The following TCAIM variants were observed in gnomAD, a reference collection of about 807,000 sequenced individuals.
TCAIM encodes the protein T-cell activation inhibitor, mitochondrial.
TCAIM carries 36 observed loss-of-function variants against 58.6 expected under a neutral mutation model. That is an observed-to-expected ratio of 0.61 (90% CI 0.47 to 0.81). The LOEUF is 0.81. TCAIM is among the 30% of genes least tolerant of loss of function. The probability of loss-of-function intolerance (pLI) is 0.00; values close to 1 mark genes in which losing one functional copy is unlikely to be tolerated. For synonymous variants in TCAIM, 172 were observed against 193.6 expected, an observed-to-expected ratio of 0.89 and a Z score of 0.93; for missense variants, 466 against 579.6, an observed-to-expected ratio of 0.80 and a Z score of 2.01.
At position 44,407,353 on chromosome 3, in the gene TCAIM, A is replaced by G. The variant is rs959586146; in HGVS notation, c.1251-89A>G. ...GTGAGTGCACAGTTAGGGCCCCAAC[A>G]TGTAAGAATATATTTACATTGTGTG... On this transcript the variant is annotated intron_variant, in intron 10 of 10. Transcript: ENST00000342649. 7.1e-6 allele frequency: 8 copies of G among 1,124,802 alleles called. No homozygotes were observed. In the Admixed American group the frequency reaches 1.9e-4, roughly 26 times the overall value. The allele number at this position is 1,124,802 out of a possible 1,614,324, so 69.7% of individuals were successfully genotyped here.
intron 2 of TCAIM, among the ~76,000 whole-genome samples, chr3:44,357,432 G>T (rs966387748): frequency 6.6e-6 from 1 of 152,140 alleles, no homozygotes; most frequent in Non-Finnish European, 1.5e-5. Context: ...TTTTTGATCT[G>T]AATAAGAAAC....
intron 8 of TCAIM, among the ~76,000 whole-genome samples, chr3:44,399,537 C>T (rs1184446361): frequency 1.3e-5 from 2 of 152,142 alleles, no homozygotes; most frequent in African/African-American, 4.8e-5. Flanking sequence ...CCCCTACGTC[C>T]CCCTTCAGCC....
chr3:44,370,661 GT>G lies in TCAIM; in HGVS notation c.572+2959del, dbSNP rs563480638. The stretch of plus-strand genomic sequence containing the variant: ...AGTGGCATAGCATTACAGTAGATAG[GT>G]TTTTTGTTTTTTTTTTTTAGTTTTT... On this transcript the variant is annotated intron_variant, in intron 5 of 10. Coordinates refer to ENST00000342649, the MANE Select transcript of TCAIM (RefSeq NM_173826.4). 1.5e-4 allele frequency among the ~76,000 whole-genome samples: 22 copies of G among 149,312 alleles called. No homozygotes were observed. The East Asian group carries it at 4.3e-3, about 29-fold the overall frequency.
At chr3:44,391,611 CT>C (rs1170389571) in intron 5 of TCAIM, among the ~76,000 whole-genome samples, 3 of 152,090 alleles carry the variant, frequency 2.0e-5, no homozygotes, top group Non-Finnish European at 2.9e-5. Context: ...TGAGATGAAA[CT>C]GAAACTGGAC....
intron 8 of TCAIM, among the ~76,000 whole-genome samples, chr3:44,398,637 A>G (rs574032206): frequency 6.6e-6 from 1 of 152,344 alleles, no homozygotes; most frequent in African/African-American, 2.4e-5. Context: ...CTGGAAAAAG[A>G]TTATAATGGT....
intron 4 of TCAIM, among the ~76,000 whole-genome samples, chr3:44,364,217 G>A (rs140223035): frequency 1.3e-4 from 20 of 150,102 alleles, no homozygotes; most frequent in African/African-American, 4.2e-4. Context: ...ATGAGCCACC[G>A]CACCTGGCTG....
chr3:44,377,004 C>T (rs974441394), intron 5 of TCAIM, among the ~76,000 whole-genome samples: 12 of 152,154 alleles, frequency 7.9e-5, no homozygotes, highest in African/African-American at 2.2e-4. Flanking sequence ...GCAGGAGAAT[C>T]GCTTGAACCT....
At chr3:44,351,374 A>C (rs1701085449) in intron 1 of TCAIM, among the ~76,000 whole-genome samples, 1 of 151,818 alleles carries the variant, frequency 6.6e-6, no homozygotes, top group South Asian at 2.1e-4. Flanking sequence ...TTGTATCTCC[A>C]TTTGATCTCA....
rs1276751897 is a variant in TCAIM, at chr3:44,358,841, C to A, written c.165+965C>A. 1.0e-5 allele frequency: 10 copies of A among 985,042 alleles called. No individual in the cohort carries two copies. In the South Asian group the frequency reaches 3.8e-4, roughly 37 times the overall value. 61.0% of individuals were successfully genotyped at this position (985,042 alleles called of 1,614,324 possible). ...CTTGAAATCTTGAAAATTAGAACAT[C>A]GTTATTTTTTTCTACTTGCAATGGA... On this transcript the variant is annotated intron_variant, in intron 3 of 10. Transcript: ENST00000342649.
At chr3:44,381,375 C>CATCTAGAATGATCATGATGCATG (rs1701652588) in intron 5 of TCAIM, among the ~76,000 whole-genome samples, 1 of 152,038 alleles carries the variant, frequency 6.6e-6, no homozygotes. Flanking sequence ...TCATTTAAAT[C>CATCTAGAATGATCATGATGCATG]ATCTAGAATG....
chr3:44,397,262 A>G (rs1290725079), intron 8 of TCAIM, among the ~76,000 whole-genome samples: 1 of 152,210 alleles, frequency 6.6e-6, no homozygotes, highest in Non-Finnish European at 1.5e-5. Flanking sequence ...ACAACTGGGC[A>G]TATATGTGAG....
chr3:44,349,818 A>C (rs1450269664), intron 1 of TCAIM, among the ~76,000 whole-genome samples: 1 of 152,224 alleles, frequency 6.6e-6, no homozygotes, highest in East Asian at 1.9e-4. Context: ...CAAAATTGAA[A>C]GGAGAAAGAA....
At chr3:44,379,578 T>C (rs1243792462) in intron 5 of TCAIM, among the ~76,000 whole-genome samples, 1 of 152,176 alleles carries the variant, frequency 6.6e-6, no homozygotes, top group African/African-American at 2.4e-5. Context: ...TGCAGGAACA[T>C]GGATGGAGCT....
chr3:44,400,600 G>A lies in TCAIM; in HGVS notation c.1118+13G>A, dbSNP rs778168747. 17 of 1,595,824 alleles carry A rather than the reference G, an allele frequency of 1.1e-5. No individual in the cohort carries two copies. Among genetic ancestry groups the A allele is most frequent in the Non-Finnish European group, 1.4e-5 (16 of 1,164,696 alleles). ...TGATCCTTAACAGGTAAATATCTAA[G>A]ATAGAAGGATTACTTTTATTCCTTC... On this transcript the variant is annotated intron_variant, in intron 9 of 10. Coordinates refer to ENST00000342649, the MANE Select transcript of TCAIM (RefSeq NM_173826.4).
chr3:44,371,163 C>T (rs931987956), intron 5 of TCAIM, among the ~76,000 whole-genome samples: 2 of 151,858 alleles, frequency 1.3e-5, no homozygotes, highest in Admixed American at 6.6e-5. Flanking sequence ...CCGCCCACCT[C>T]GACCTCCCAA....
intron 1 of TCAIM, chr3:44,340,495 A>C (rs1700834650): frequency 6.6e-6 from 1 of 152,244 alleles, no homozygotes; most frequent in African/African-American, 2.4e-5. Context: ...TGAAAAGTAC[A>C]TAAACCATAC....
At chr3:44,358,324 C>A in intron 3 of TCAIM, 2 of 809,866 alleles carry the variant, frequency 2.5e-6, no homozygotes, top group Admixed American at 2.3e-5. Flanking sequence ...GGAATACAAA[C>A]TGATATGAAA....
intron 8 of TCAIM, among the ~76,000 whole-genome samples, chr3:44,397,350 A>G (rs1453696563): frequency 6.6e-6 from 1 of 152,068 alleles, no homozygotes; most frequent in Non-Finnish European, 1.5e-5. Context: ...TTCTGTTACT[A>G]TAGATTAGTT....
intron 2 of TCAIM, among the ~76,000 whole-genome samples, chr3:44,355,180 TG>T (rs916626223): frequency 1.3e-5 from 2 of 152,174 alleles, no homozygotes; most frequent in African/African-American, 4.8e-5. Flanking sequence ...GGGAAGGTTC[TG>T]GGGGAATAGA....
Sources: allele counts gnomAD v4.1 joint callset (sites outside exome capture counted in the v4.1 genomes callset), GRCh38; gene constraint gnomAD v4.1.1; transcripts MANE v1.5; gene names NCBI Gene and HGNC (gene_info 2026-07-23, HGNC 2026-07-21).